Variants in SBF2 observed in about 807,000 individuals in gnomAD.
SBF2 encodes the protein myotubularin-related protein 13.
In SBF2, 112 loss-of-function variants were observed where a neutral mutation model predicts 225.2. The observed-to-expected ratio is 0.50, with a 90% CI of 0.43 to 0.58. The LOEUF (loss-of-function observed/expected upper bound fraction) is 0.58, where lower values mean the gene tolerates loss of function less well. Among genes scored for constraint, SBF2 ranks in the 20% least tolerant of loss-of-function variants. The probability of loss-of-function intolerance (pLI) is 0.00; values close to 1 mark genes in which losing one functional copy is unlikely to be tolerated. For synonymous variants in SBF2, 763 were observed against 773.3 expected, an observed-to-expected ratio of 0.99 and a Z score of 0.22; for missense variants, 1,996 against 2,206.2, an observed-to-expected ratio of 0.90 and a Z score of 1.91.
Position 10,196,866 on chromosome 11 carries a change from A to ATTTTTTTT in SBF2, c.56-2887_56-2880dup, listed in dbSNP as rs1555073581. Among the ~76,000 whole-genome samples, 70 of 99,260 alleles carry ATTTTTTTT rather than the reference A, an allele frequency of 7.1e-4. 7 individuals are homozygous for ATTTTTTTT. Among genetic ancestry groups the ATTTTTTTT allele is most frequent in the Middle Eastern group, 7.0e-3 (1 of 142 alleles). The allele number at this position is 99,260 out of a possible 152,430, so 65.1% of individuals were successfully genotyped here. ...TATATATATATATATATATATATAT[A>ATTTTTTTT]TTTTTTTTTTCCTACAAAATGAATA... On this transcript the variant is annotated intron_variant, in intron 1 of 39. Transcript: ENST00000256190.
At chr11:10,147,404 T>G (rs746985782) in intron 2 of SBF2, among the ~76,000 whole-genome samples, 1 of 152,082 alleles carries the variant, frequency 6.6e-6, no homozygotes, top group Non-Finnish European at 1.5e-5. Flanking sequence ...AAGAATGAGA[T>G]CATGTCCTGT....
intron 1 of SBF2, among the ~76,000 whole-genome samples, chr11:10,231,723 G>T (rs565454663): frequency 6.6e-6 from 1 of 152,304 alleles, no homozygotes; most frequent in East Asian, 1.9e-4. Context: ...CCCCTACTGG[G>T]GGGTGCCTCC....
At chr11:9,840,829 C>T (rs931594165) in intron 25 of SBF2, among the ~76,000 whole-genome samples, 1 of 151,878 alleles carries the variant, frequency 6.6e-6, no homozygotes, top group Non-Finnish European at 1.5e-5. Flanking sequence ...AATCCCCTCA[C>T]AGTTTTACAA....
intron 2 of SBF2, among the ~76,000 whole-genome samples, chr11:10,152,879 G>C (rs1335815221): frequency 6.6e-6 from 1 of 152,154 alleles, no homozygotes; most frequent in Admixed American, 6.5e-5. Flanking sequence ...GAAAGGAATA[G>C]CTTGATCAAA....
chr11:10,269,048 CT>C (rs1395217923), intron 1 of SBF2, among the ~76,000 whole-genome samples: 1 of 152,134 alleles, frequency 6.6e-6, no homozygotes, highest in Non-Finnish European at 1.5e-5. Context: ...AGTAGGTATA[CT>C]CCCATACTAC....
intron 1 of SBF2, among the ~76,000 whole-genome samples, chr11:10,221,823 G>A (rs1958348774): frequency 6.6e-6 from 1 of 152,152 alleles, no homozygotes; most frequent in African/African-American, 2.4e-5. Context: ...TACAACTTTT[G>A]GCCTGAGGGC....
intron 2 of SBF2, among the ~76,000 whole-genome samples, chr11:10,140,123 C>G (rs373458624): frequency 2.6e-5 from 4 of 152,190 alleles, no homozygotes; most frequent in African/African-American, 7.2e-5. Flanking sequence ...TCCTGAATGA[C>G]AGGAGTGCCA....
rs1318125590 is a variant in SBF2 at position 9,962,091 on chromosome 11, G to A, written c.1726C>T (p.Leu576Phe). 1 of 1,614,086 alleles carries A rather than the reference G, an allele frequency of 6.2e-7. No individual in the cohort carries two copies. Among genetic ancestry groups the A allele is most frequent in the Non-Finnish European group, 8.5e-7 (1 of 1,179,980 alleles). The change falls in exon 16 of 40, where the codon CTC (leucine) becomes TTC (phenylalanine). Residue 576 changes from leucine to phenylalanine, a missense_variant. Coordinates refer to ENST00000256190, the MANE Select transcript of SBF2 (RefSeq NM_030962.4). Reference sequence around the variant, plus strand: ...GCTGCCTTTCCTTTAAGGGCTCTGAGTGCAGCAGGAAGGGTCTGAGGACAA... The same window carrying A: ...GCTGCCTTTCCTTTAAGGGCTCTGAATGCAGCAGGAAGGGTCTGAGGACAA... Reference protein sequence around the residue: ...LETEKTLPAALRALKGKAARQ... With the variant: ...LETEKTLPAAFRALKGKAARQ...
intron 2 of SBF2, among the ~76,000 whole-genome samples, chr11:10,085,938 A>C (rs1475014450): frequency 1.3e-5 from 2 of 151,088 alleles, no homozygotes; most frequent in African/African-American, 4.8e-5. Flanking sequence ...TTTCTAACAG[A>C]TTAATAGTAT....
chr11:10,225,508 A>G (rs1444825488), intron 1 of SBF2, among the ~76,000 whole-genome samples: 1 of 152,078 alleles, frequency 6.6e-6, no homozygotes, highest in African/African-American at 2.4e-5. Flanking sequence ...GACTAGTCAT[A>G]GAGGTTGTAT....
At chr11:10,260,542 C>T (rs1271452878) in intron 1 of SBF2, among the ~76,000 whole-genome samples, 1 of 151,890 alleles carries the variant, frequency 6.6e-6, no homozygotes. Context: ...GGATGAAACC[C>T]CCTCTCTACT....
At chr11:10,232,072 T>C (rs987831333) in intron 1 of SBF2, among the ~76,000 whole-genome samples, 4 of 152,130 alleles carry the variant, frequency 2.6e-5, no homozygotes, top group African/African-American at 9.7e-5. Flanking sequence ...GTGCTAGCAA[T>C]GAGCAGGGCT....
chr11:10,025,930 T>A (rs1949037215), intron 6 of SBF2, among the ~76,000 whole-genome samples: 1 of 152,182 alleles, frequency 6.6e-6, no homozygotes, highest in Non-Finnish European at 1.5e-5. Context: ...TTGTGTATCT[T>A]TTCAAGTTGT....
chr11:10,229,062 G>A (rs1396737852), intron 1 of SBF2, among the ~76,000 whole-genome samples: 1 of 152,022 alleles, frequency 6.6e-6, no homozygotes, highest in Non-Finnish European at 1.5e-5. Context: ...GGTGTGTCGA[G>A]GAATTTATCC....
chr11:10,272,565 A>G (rs1962582154), intron 1 of SBF2, among the ~76,000 whole-genome samples: 1 of 152,094 alleles, frequency 6.6e-6, no homozygotes, highest in African/African-American at 2.4e-5. Context: ...CGAACTCACC[A>G]GTTCAAGACC....
At chr11:10,159,258 C>T (rs1955613585) in intron 2 of SBF2, among the ~76,000 whole-genome samples, 8 of 152,198 alleles carry the variant, frequency 5.3e-5, no homozygotes, top group Admixed American at 5.2e-4. Flanking sequence ...AAGATGGTAA[C>T]AGCCCTTTCC....
intron 23 of SBF2, among the ~76,000 whole-genome samples, chr11:9,845,968 T>G (rs1387432252): frequency 6.6e-6 from 1 of 152,250 alleles, no homozygotes; most frequent in Non-Finnish European, 1.5e-5. Context: ...CAAGTCAGTT[T>G]CTTTAAGATT....
intron 16 of SBF2, chr11:9,956,646 G>C (rs184671867): frequency 6.7e-6 from 1 of 148,728 alleles, no homozygotes; most frequent in Non-Finnish European, 1.5e-5. Context: ...TTTGTTTATA[G>C]TAAGGAGTTG....
At chr11:10,266,969 C>T (rs1962058254) in intron 1 of SBF2, among the ~76,000 whole-genome samples, 1 of 152,176 alleles carries the variant, frequency 6.6e-6, no homozygotes, top group African/African-American at 2.4e-5. Flanking sequence ...TGGCACATGC[C>T]TTTAATCCCA....
Sources: gnomAD v4.1 joint callset for allele counts (sites outside exome capture counted in the v4.1 genomes callset) on GRCh38, gnomAD v4.1.1 for gene constraint, MANE v1.5 for transcripts, NCBI Gene and HGNC (gene_info 2026-07-23, HGNC 2026-07-21) for gene names.